The following FHIT variants were observed in gnomAD, a reference collection of about 807,000 sequenced individuals.
FHIT encodes the protein bis(5'-adenosyl)-triphosphatase.
In FHIT, 19 loss-of-function variants were observed where a neutral mutation model predicts 17.9. The observed-to-expected ratio is 1.06, with a 90% CI of 0.74 to 1.56. FHIT has a LOEUF of 1.56. FHIT is among the 40% of genes most tolerant of loss of function. FHIT has a pLI of 0.00. For synonymous variants in FHIT, 81 were observed against 69.7 expected, an observed-to-expected ratio of 1.16 and a Z score of -0.81; for missense variants, 248 against 189.2, an observed-to-expected ratio of 1.31 and a Z score of -1.82.
intron 4 of FHIT, among the ~76,000 whole-genome samples, chr3:60,728,704 T>TACACACACACATACAC (rs2041966828): frequency 6.8e-6 from 1 of 147,306 alleles, no homozygotes; most frequent in Non-Finnish European, 1.5e-5. Context: ...CACACACACA[T>TACACACACACATACAC]ACACACACAC....
rs145749637 is a variant in FHIT at position 60,327,557 on chromosome 3, T to C, written c.103+209303A>G. Among the ~76,000 whole-genome samples the C allele has an allele frequency of 4.4e-3, 669 of 152,356 alleles. 17 individuals carry two copies. Among genetic ancestry groups the C allele is most frequent in the Admixed American group, 0.036 (546 of 15,302 alleles). ...TAGTTGCCAACTCCATTGTAGACCA[T>C]GTCTTGCATATGGTGTGTGCTAAAT... On this transcript the variant is annotated intron_variant, in intron 5 of 9. Coordinates refer to ENST00000492590, the MANE Select transcript of FHIT (RefSeq NM_002012.4).
intron 3 of FHIT, among the ~76,000 whole-genome samples, chr3:60,826,603 G>A (rs1417614662): frequency 1.3e-5 from 2 of 152,158 alleles, no homozygotes; most frequent in Admixed American, 6.5e-5. Context: ...CGTGACCATT[G>A]GTGATTCCTA....
intron 5 of FHIT, among the ~76,000 whole-genome samples, chr3:60,269,842 T>C (rs1406189992): frequency 6.6e-6 from 1 of 152,182 alleles, no homozygotes; most frequent in Non-Finnish European, 1.5e-5. Flanking sequence ...TAACTTCATT[T>C]TAAAAAACTG....
intron 5 of FHIT, among the ~76,000 whole-genome samples, chr3:60,497,764 A>C (rs1156234462): frequency 6.6e-6 from 1 of 152,180 alleles, no homozygotes; most frequent in Non-Finnish European, 1.5e-5. Context: ...TTCTCTGAAG[A>C]AGCTGATGAT....
intron 5 of FHIT, among the ~76,000 whole-genome samples, chr3:60,295,457 G>C (rs1021700778): frequency 1.3e-5 from 2 of 152,028 alleles, no homozygotes; most frequent in African/African-American, 2.4e-5. Flanking sequence ...GGCGAGACAG[G>C]AAGCAAGAGA....
At chr3:59,866,049 C>G (rs1432738583) in intron 8 of FHIT, among the ~76,000 whole-genome samples, 1 of 152,140 alleles carries the variant, frequency 6.6e-6, no homozygotes, top group Non-Finnish European at 1.5e-5. Context: ...ATTTACCAGC[C>G]ACAGACAATA....
chr3:60,009,373 T>C (rs937169009), intron 7 of FHIT, among the ~76,000 whole-genome samples: 18 of 152,108 alleles, frequency 1.2e-4, no homozygotes, highest in Non-Finnish European at 2.5e-4. Context: ...AAAAACAGAA[T>C]CGTTTTAAAA....
intron 5 of FHIT, among the ~76,000 whole-genome samples, chr3:60,085,646 C>G (rs1414925365): frequency 2.6e-5 from 4 of 152,146 alleles, no homozygotes; most frequent in Non-Finnish European, 5.9e-5. Flanking sequence ...TCTTTAATAG[C>G]CAGAAACACA....
At chr3:60,626,074 T>C (rs1328518177) in intron 4 of FHIT, among the ~76,000 whole-genome samples, 2 of 152,212 alleles carry the variant, frequency 1.3e-5, no homozygotes, top group Non-Finnish European at 2.9e-5. Context: ...GAATCTCAGT[T>C]CTATGCCATT....
intron 5 of FHIT, among the ~76,000 whole-genome samples, chr3:60,157,217 G>A (rs542362293): frequency 3.3e-5 from 5 of 152,192 alleles, no homozygotes; most frequent in South Asian, 2.1e-4. Context: ...AATGCAAAAG[G>A]GCCTGAAAGC....
At chr3:61,142,573 G>A (rs538466104) in intron 2 of FHIT, among the ~76,000 whole-genome samples, 6 of 152,182 alleles carry the variant, frequency 3.9e-5, no homozygotes, top group East Asian at 1.9e-4. Context: ...AGTGTGCTTC[G>A]CTACCTCATG....
chr3:60,723,968 T>C (rs1177209701), intron 4 of FHIT, among the ~76,000 whole-genome samples: 3 of 152,240 alleles, frequency 2.0e-5, no homozygotes, highest in African/African-American at 7.2e-5. Context: ...ATCTCTTTTT[T>C]GTTTTTATAA....
intron 8 of FHIT, among the ~76,000 whole-genome samples, chr3:59,809,299 T>C (rs1700323123): frequency 6.6e-6 from 1 of 152,236 alleles, no homozygotes; most frequent in Non-Finnish European, 1.5e-5. Flanking sequence ...GAAGGCCATG[T>C]GAAGACAAAG....
intron 4 of FHIT, among the ~76,000 whole-genome samples, chr3:60,589,422 A>G (rs2038010227): frequency 6.6e-6 from 1 of 152,080 alleles, no homozygotes; most frequent in Non-Finnish European, 1.5e-5. Flanking sequence ...TTCCCAGAAT[A>G]ACATATCCTG....
chr3:61,207,157 C>T (rs146909600), intron 1 of FHIT, among the ~76,000 whole-genome samples: 4,938 of 152,294 alleles, frequency 0.032, 110 homozygotes, highest in African/African-American at 0.049. Flanking sequence ...CCTTGCATCC[C>T]AGGGATGAAA....
chr3:60,778,927 T>C (rs1452173403), intron 4 of FHIT, among the ~76,000 whole-genome samples: 1 of 152,138 alleles, frequency 6.6e-6, no homozygotes, highest in East Asian at 1.9e-4. Flanking sequence ...GTAAAGAATG[T>C]CACTTTCTAG....
Position 60,924,965 on chromosome 3 carries a change from G to C in FHIT, c.-110-102954C>G. Among the ~76,000 whole-genome samples the C allele has an allele frequency of 2.0e-5, 3 of 152,236 alleles. No homozygotes were observed. The Middle Eastern group carries it at 0.01, about 518-fold the overall frequency. On this transcript the variant is annotated intron_variant, in intron 3 of 9. Coordinates refer to ENST00000492590, the MANE Select transcript of FHIT (RefSeq NM_002012.4). ...ACTGGAAGAAAGGGTATCAGTGATGGAAGATCAAATGAATGAAATGAAGCA... is the reference window on the plus strand; with the variant it reads ...ACTGGAAGAAAGGGTATCAGTGATGCAAGATCAAATGAATGAAATGAAGCA...
intron 8 of FHIT, among the ~76,000 whole-genome samples, chr3:59,873,864 G>C (rs185166266): frequency 3.1e-4 from 47 of 152,178 alleles, no homozygotes; most frequent in Admixed American, 1.6e-3. Context: ...AACTAGATTG[G>C]TTCCCTGCTT....
At chr3:59,976,345 C>A (rs1286578925) in intron 7 of FHIT, among the ~76,000 whole-genome samples, 1 of 152,072 alleles carries the variant, frequency 6.6e-6, no homozygotes, top group African/African-American at 2.4e-5. Context: ...TAACAATCAG[C>A]AACTATCATT....
Sources: allele counts gnomAD v4.1 joint callset (sites outside exome capture counted in the v4.1 genomes callset), GRCh38; gene constraint gnomAD v4.1.1; transcripts MANE v1.5; gene names NCBI Gene and HGNC (gene_info 2026-07-23, HGNC 2026-07-21).